The following DLG2 variants were observed in gnomAD, a reference collection of about 807,000 sequenced individuals.
The protein encoded by DLG2 is discs large MAGUK scaffold protein 2.
DLG2 carries 45 observed loss-of-function variants against 132.5 expected under a neutral mutation model. The ratio of observed to expected loss-of-function variants is 0.34; its 90% confidence interval spans 0.27 to 0.44. DLG2 has a LOEUF of 0.44. Among genes scored for constraint, DLG2 ranks in the 20% least tolerant of loss-of-function variants. The pLI is 1.00. For missense variants in DLG2, 1,045 were observed against 1,196.9 expected (o/e 0.87, Z 1.87); for synonymous variants, 424 against 419.6 (o/e 1.01, Z -0.13).
intron 21 of DLG2, among the ~76,000 whole-genome samples, chr11:83,515,457 A>T (rs1257077564): frequency 2.6e-5 from 4 of 151,930 alleles, no homozygotes; most frequent in Non-Finnish European, 5.9e-5. Flanking sequence ...GATTTTGTTG[A>T]TCTTTTCAAA....
intron 6 of DLG2, among the ~76,000 whole-genome samples, chr11:85,020,177 G>A (rs2059919732): frequency 6.6e-6 from 1 of 152,074 alleles, no homozygotes; most frequent in Admixed American, 6.6e-5. Flanking sequence ...GTGTGAGATG[G>A]GATCTCATTG....
chr11:84,311,461 G>A (rs770737022), intron 7 of DLG2, among the ~76,000 whole-genome samples: 1 of 152,158 alleles, frequency 6.6e-6, no homozygotes, highest in Admixed American at 6.5e-5. Flanking sequence ...GAGAGGTTAA[G>A]CAAATAACAT....
intron 6 of DLG2, among the ~76,000 whole-genome samples, chr11:84,704,990 C>T (rs1377801608): frequency 6.6e-6 from 1 of 151,014 alleles, no homozygotes; most frequent in African/African-American, 2.4e-5. Context: ...CATGTGCACA[C>T]TCATTTCTAG....
chr11:85,349,349 C>G (rs1286844509), intron 3 of DLG2, among the ~76,000 whole-genome samples: 1 of 152,118 alleles, frequency 6.6e-6, no homozygotes, highest in Non-Finnish European at 1.5e-5. Context: ...TATCCACTAC[C>G]TGTTACCTCA....
At chr11:85,523,121 T>C (rs1342117694) in intron 3 of DLG2, among the ~76,000 whole-genome samples, 3 of 152,146 alleles carry the variant, frequency 2.0e-5, no homozygotes, top group Non-Finnish European at 2.9e-5. Context: ...GATTGAATCA[T>C]GGGGGAAGTT....
At chr11:84,113,677 G>A (rs1337203027) in intron 9 of DLG2, among the ~76,000 whole-genome samples, 1 of 152,064 alleles carries the variant, frequency 6.6e-6, no homozygotes, top group Non-Finnish European at 1.5e-5. Context: ...TCAACATTTG[G>A]AGAATCTGCA....
At chr11:84,107,930 T>C (rs1437091092) in intron 9 of DLG2, among the ~76,000 whole-genome samples, 1 of 152,036 alleles carries the variant, frequency 6.6e-6, no homozygotes, top group Non-Finnish European at 1.5e-5. Flanking sequence ...AGCACCATGG[T>C]GGGATGCCAT....
At chr11:84,392,042 G>A (rs1427181813) in intron 7 of DLG2, among the ~76,000 whole-genome samples, 1 of 152,118 alleles carries the variant, frequency 6.6e-6, no homozygotes, top group Non-Finnish European at 1.5e-5. Context: ...TCTACCTAAT[G>A]GAGTCTTTGT....
chr11:84,231,781 A>G (rs2097097119), intron 8 of DLG2, among the ~76,000 whole-genome samples: 1 of 152,192 alleles, frequency 6.6e-6, no homozygotes, highest in African/African-American at 2.4e-5. Flanking sequence ...TCAGAGAGCT[A>G]TGTGGACAGG....
intron 10 of DLG2, among the ~76,000 whole-genome samples, chr11:84,068,549 A>C (rs2154141288): frequency 6.7e-6 from 1 of 150,208 alleles, no homozygotes; most frequent in Middle Eastern, 3.5e-3. Context: ...AGACTTAGCA[A>C]ATAAAAATAC....
chr11:85,181,248 GTATATATGTGTA>G (rs894085502), intron 4 of DLG2, among the ~76,000 whole-genome samples: 27 of 151,148 alleles, frequency 1.8e-4, no homozygotes, highest in Middle Eastern at 3.4e-3. Context: ...ATATATATGT[GTATATATGTGTA>G]TATATATGTG....
chr11:84,151,723 T>A (rs1466995832), intron 9 of DLG2, among the ~76,000 whole-genome samples: 1 of 152,224 alleles, frequency 6.6e-6, no homozygotes, highest in Non-Finnish European at 1.5e-5. Flanking sequence ...CACTGAATCC[T>A]AGAGATTTTA....
At chr11:84,633,152 C>T (rs2099634956) in intron 6 of DLG2, among the ~76,000 whole-genome samples, 1 of 152,144 alleles carries the variant, frequency 6.6e-6, no homozygotes, top group South Asian at 2.1e-4. Context: ...TGGACTTTCT[C>T]CAATCAATTA....
chr11:85,162,294 C>A (rs2078092691), intron 4 of DLG2, among the ~76,000 whole-genome samples: 1 of 152,122 alleles, frequency 6.6e-6, no homozygotes, highest in South Asian at 2.1e-4. Flanking sequence ...TGGGAAATGA[C>A]AACAGCCCAA....
intron 3 of DLG2, among the ~76,000 whole-genome samples, chr11:85,428,145 A>C (rs545563929): frequency 1.8e-4 from 27 of 152,268 alleles, no homozygotes; most frequent in African/African-American, 5.1e-4. Flanking sequence ...GAGAGACCTA[A>C]AAAGAGACTT....
chr11:84,971,667 T>C (rs1233937432), intron 6 of DLG2, among the ~76,000 whole-genome samples: 1 of 152,146 alleles, frequency 6.6e-6, no homozygotes, highest in Non-Finnish European at 1.5e-5. Context: ...TTTTTTTCAA[T>C]GTGCTAATTA....
chr11:84,278,689 C>T lies in DLG2; in HGVS notation c.520-27398G>A, dbSNP rs560466927. On this transcript the variant is annotated intron_variant, in intron 7 of 27. Coordinates refer to ENST00000376104, the MANE Select transcript of DLG2 (RefSeq NM_001142699.3). The stretch of plus-strand genomic sequence containing the variant: ...AATTGGTTTAACATTTACAAATGAA[C>T]CAATGAAATTTATTAAGTTTTCTTT... 5.3e-5 allele frequency among the ~76,000 whole-genome samples: 8 copies of T among 151,950 alleles called. No homozygotes were observed. The East Asian group carries it at 1.4e-3, about 26-fold the overall frequency.
intron 6 of DLG2, among the ~76,000 whole-genome samples, chr11:85,073,861 G>A (rs1291352160): frequency 6.6e-6 from 1 of 151,686 alleles, no homozygotes; most frequent in African/African-American, 2.4e-5. Flanking sequence ...ACCCATCAAT[G>A]GTAGACTGGA....
chr11:83,637,723 T>G (rs1168363327), intron 18 of DLG2, among the ~76,000 whole-genome samples: 1 of 152,178 alleles, frequency 6.6e-6, no homozygotes, highest in East Asian at 1.9e-4. Flanking sequence ...TTGCTCTTCT[T>G]CCCTTCATCT....
Sources: allele counts gnomAD v4.1 joint callset (sites outside exome capture counted in the v4.1 genomes callset), GRCh38; gene constraint gnomAD v4.1.1; transcripts MANE v1.5; gene names NCBI Gene and HGNC (gene_info 2026-07-23, HGNC 2026-07-21).